The following RNF167 variants were observed in gnomAD, a reference collection of about 807,000 sequenced individuals.
RNF167 encodes the protein E3 ubiquitin-protein ligase RNF167.
In RNF167, 19 loss-of-function variants were observed where a neutral mutation model predicts 34.8. The observed-to-expected ratio is 0.55, with a 90% CI of 0.38 to 0.80. The LOEUF (loss-of-function observed/expected upper bound fraction) is 0.80. Among genes scored for constraint, RNF167 ranks in the 30% least tolerant of loss-of-function variants. The pLI, the probability that RNF167 is intolerant of heterozygous loss-of-function variation, is 0.00. For synonymous variants in RNF167, 200 were observed against 170.4 expected (o/e 1.17, Z -1.35); for missense variants, 464 against 447.0 (o/e 1.04, Z -0.34).
In RNF167 at chr17:4,941,157, G is replaced by C. The variant is rs1353310780; in HGVS notation, c.165G>C (p.Gln55His). Residue 55 changes from glutamine (Q) to histidine (H), a missense_variant and splice_region_variant, in exon 3 of 10, where the codon CAG becomes CAC. By Grantham distance (24) the Gln-to-His change is conservative. Transcript: ENST00000262482. ...CTACCTTGAGCCAGGAGGGCCTCCA[G>C]GTGATTTTCTTTCTTTTCTTTTCCT... ...FGATLSQEGL[Q>H]GFLVEAHPDN... 4 of 1,613,252 alleles carry C rather than the reference G, an allele frequency of 2.5e-6. No homozygotes were observed. Among genetic ancestry groups the C allele is most frequent in the African/African-American group, 2.7e-5 (2 of 74,896 alleles).
At position 4,941,000 on chromosome 17, in the gene RNF167, C is replaced by G; in HGVS notation, c.84+7C>G. On this transcript the variant is annotated splice_region_variant and intron_variant, in intron 2 of 9. Transcript: ENST00000262482. ...CCGGGGGCTCATTCGAGCGGTGAGT[C>G]TGAGGGACGGATGGGGAAAGGGCGC... 6.2e-7 allele frequency: 1 copy of G among 1,613,076 alleles called. No homozygotes were observed. Among genetic ancestry groups the G allele is most frequent in the Non-Finnish European group, 8.5e-7 (1 of 1,179,236 alleles).
In RNF167 at chr17:4,942,917, G is replaced by C. The variant is rs759894525; in HGVS notation, c.446G>C (p.Arg149Pro). 1 of 1,614,092 alleles carries C rather than the reference G, an allele frequency of 6.2e-7. No homozygotes were observed. Among genetic ancestry groups the C allele is most frequent in the Non-Finnish European group, 8.5e-7 (1 of 1,179,998 alleles). The stretch of plus-strand genomic sequence containing the variant: ...GGGGAGAGAAGCTCCGAGTACCTGC[G>C]TGCCCTCTTTGTCTACGAGAAGGGG... ...FIGERSSEYL[R>P]ALFVYEKGAR... is the part of the protein sequence containing the mutation. The change falls in exon 6 of 10, where the codon CGT becomes CCT. Residue 149 changes from arginine to proline, a missense_variant. Physicochemically the swap from Arg to Pro is moderately radical, Grantham distance 103 (BLOSUM62 -2). Coordinates refer to ENST00000262482, the MANE Select transcript of RNF167 (RefSeq NM_015528.3).
In RNF167 at chr17:4,944,879, G is replaced by GA; in HGVS notation, c.919dup (p.Arg307LysfsTer8). On this transcript the variant is annotated frameshift_variant, in exon 10 of 10. Coordinates refer to ENST00000262482, the MANE Select transcript of RNF167 (RefSeq NM_015528.3). LOFTEE classifies it low-confidence loss of function (END_TRUNC). ...GGAGCCAAGGGACCACCCTGCCTCA[G>GA]AAAGGACCCCACTTTTGGGTTCTAG... 1.2e-6 allele frequency: 2 copies of GA among 1,614,024 alleles called. No individual in the cohort carries two copies. Among genetic ancestry groups the GA allele is most frequent in the Non-Finnish European group, 1.7e-6 (2 of 1,179,968 alleles).
chr17:4,944,424 C>A, intron 8 of RNF167, 134 bp from the exon 9 acceptor site: 1 of 1,451,090 alleles, frequency 6.9e-7, no homozygotes, highest in Non-Finnish European at 9.1e-7. Flanking sequence ...TCTGCCCTGA[C>A]CTTATCCTGC....
At chr17:4,940,244 G>A, upstream of RNF167, 1 of 233,238 alleles carries the variant, frequency 4.3e-6, no homozygotes, top group Non-Finnish European at 8.1e-6. Flanking sequence ...AGTACGGCTC[G>A]CCAAGTTGGA....
At chr17:4,942,306 G>A in intron 3 of RNF167, 35 bp from the exon 4 acceptor site, 7 of 1,608,462 alleles carry the variant, frequency 4.4e-6, no homozygotes, top group Non-Finnish European at 5.1e-6. Context: ...ATCTAGAAAG[G>A]AGAAATCTCA....
rs1350785483 is a variant in RNF167 at position 4,942,880 on chromosome 17, T to TC, written c.410dup (p.Val138CysfsTer83). ...AATCCAGCAGCAGATCTGGATCCCG[T>TC]CTGTATTTATTGGGGAGAGAAGCTC... On this transcript the variant is annotated frameshift_variant, in exon 6 of 10. Coordinates refer to ENST00000262482, the MANE Select transcript of RNF167 (RefSeq NM_015528.3). LOFTEE classifies it high-confidence loss of function. 6.2e-7 allele frequency: 1 copy of TC among 1,614,146 alleles called. No homozygotes were observed. Among genetic ancestry groups the TC allele is most frequent in the South Asian group, 1.1e-5 (1 of 91,088 alleles).
chr17:4,940,203 A>C (rs570590546), upstream of RNF167: 16 of 321,616 alleles, frequency 5.0e-5, no homozygotes, highest in African/African-American at 3.5e-4. Flanking sequence ...AATAGAGAAG[A>C]GTTTGTTTGA....
Position 4,944,643 on chromosome 17 carries a change from G to A in RNF167, c.751+5G>A. On this transcript the variant is annotated splice_donor_5th_base_variant and intron_variant, in intron 9 of 9. Transcript: ENST00000262482. ...GGGTACTCCCCTGTGCTCATGGTGA[G>A]GCCCTCACTGCCTGCCCATGCCCCT... 6.2e-7 allele frequency: 1 copy of A among 1,614,066 alleles called. No individual in the cohort carries two copies. The highest frequency in any genetic ancestry group is 1.6e-4 in the Middle Eastern group (1 of 6,062).
chr17:4,943,050 C>T, intron 6 of RNF167, 109 bp downstream of exon 6: 2 of 1,310,522 alleles, frequency 1.5e-6, no homozygotes, highest in Non-Finnish European at 1.1e-6. Context: ...TCCTTCCTTC[C>T]CTGCCTCTTT....
Position 4,945,078 on chromosome 17 carries a change from C to G in RNF167, c.*62C>G. On this transcript the variant is annotated 3_prime_UTR_variant, in exon 10 of 10. Coordinates refer to ENST00000262482, the MANE Select transcript of RNF167 (RefSeq NM_015528.3). ...CACAGACCGTCGTCTTCCCTCCAGT[C>G]TTCTGAGGGATAGGGGACATTCCAT... 3 of 1,360,914 alleles carry G rather than the reference C, an allele frequency of 2.2e-6. No individual in the cohort carries two copies. In the Admixed American group the frequency reaches 7.3e-5, roughly 33 times the overall value. The allele number at this position is 1,360,914 out of a possible 1,614,324, so 84.3% of individuals were successfully genotyped here.
chr17:4,944,194 A>C (rs186313086), intron 8 of RNF167, among the ~76,000 whole-genome samples: 1 of 152,290 alleles, frequency 6.6e-6, no homozygotes, highest in Admixed American at 6.5e-5. Context: ...AAATGGGAGG[A>C]ATGGGGAGGA....
In RNF167 at chr17:4,943,505, A is replaced by T. The variant is rs199885238; in HGVS notation, c.656A>T (p.His219Leu). ...GAGCAACTGAAACAGATTCCTACAC[A>T]TGACTATCAGAAGGGTGAGGGGGTT... ...TKEQLKQIPT[H>L]DYQKGDQYDV... Residue 219 changes from histidine to leucine, a missense_variant, in exon 8 of 10, where the codon CAT (histidine) becomes CTT (leucine). Coordinates refer to ENST00000262482, the MANE Select transcript of RNF167 (RefSeq NM_015528.3). The T allele has an allele frequency of 1.7e-4, 268 of 1,613,156 alleles. No homozygotes were observed. Among genetic ancestry groups the T allele is most frequent in the Non-Finnish European group, 2.2e-4 (259 of 1,179,424 alleles).
At position 4,941,081 on chromosome 17, in the gene RNF167, C is replaced by G. The variant is rs1370655744; in HGVS notation, c.89C>G (p.Ser30Trp). The change falls in exon 3 of 10, where the codon TCG (serine) becomes TGG (tryptophan). Residue 30 changes from serine to tryptophan, a missense_variant. Coordinates refer to ENST00000262482, the MANE Select transcript of RNF167 (RefSeq NM_015528.3). ...APTRGLIRAT[S>W]DHNASMDFAD... ...CATCGCCTTTTTTGTCCGCAGACCTCGGACCACAATGCCAGCATGGACTTT... is the reference window on the plus strand; with the variant it reads ...CATCGCCTTTTTTGTCCGCAGACCTGGGACCACAATGCCAGCATGGACTTT... 6.2e-7 allele frequency: 1 copy of G among 1,614,084 alleles called. No individual in the cohort carries two copies. The highest frequency in any genetic ancestry group is 8.5e-7 in the Non-Finnish European group (1 of 1,180,032).
Position 4,941,224 on chromosome 17 carries a change from T to A in RNF167, c.165+67T>A, listed in dbSNP as rs981959765. 11 of 1,437,448 alleles carry A rather than the reference T, an allele frequency of 7.7e-6. No individual in the cohort carries two copies. In the African/African-American group the frequency reaches 1.6e-4, roughly 20 times the overall value. 89.0% of individuals were successfully genotyped at this position (1,437,448 alleles called of 1,614,324 possible). A position where few individuals can be genotyped will look rare whatever the true frequency, so the allele number is the denominator to read the frequency against. On this transcript the variant is annotated intron_variant, in intron 3 of 9. Coordinates refer to ENST00000262482, the MANE Select transcript of RNF167 (RefSeq NM_015528.3). ...TCCTTTTCTGTCTTTTTTCTTTTTT[T>A]AGTATTTCGCAAGATCCTCCATCCT...
At chr17:4,940,257 G>A (rs1970646684), upstream of RNF167, 1 of 219,150 alleles carries the variant, frequency 4.6e-6, no homozygotes, top group Non-Finnish European at 8.8e-6. Context: ...AAGTTGGAGC[G>A]CTCTCGCGAT....
intron 8 of RNF167, 200 bp from the exon 9 acceptor site, chr17:4,944,358 C>G (rs1971160420): frequency 6.2e-6 from 8 of 1,283,520 alleles, no homozygotes; most frequent in Non-Finnish European, 7.9e-6. Flanking sequence ...AACCCACTTC[C>G]CTTCTTACCT....
Position 4,941,139 on chromosome 17 carries a change from G to A in RNF167, c.147G>A (p.Leu49=), listed in dbSNP as rs1970755031. Residue 49 remains leucine, a synonymous_variant, in exon 3 of 10, where the codon TTG becomes TTA. Coordinates refer to ENST00000262482, the MANE Select transcript of RNF167 (RefSeq NM_015528.3). ...TTCCAGCTCTGTTTGGGGCTACCTTGAGCCAGGAGGGCCTCCAGGTGATTT... is the reference window on the plus strand; with the variant it reads ...TTCCAGCTCTGTTTGGGGCTACCTTAAGCCAGGAGGGCCTCCAGGTGATTT... ...ADLPALFGAT[L]SQEGLQGFLV... 2 of 1,614,034 alleles carry A rather than the reference G, an allele frequency of 1.2e-6. No individual in the cohort carries two copies. The highest frequency in any genetic ancestry group is 3.3e-5 in the Admixed American group (2 of 60,008).
rs1350494712 is a variant in RNF167 at position 4,941,005 on chromosome 17, G to A, written c.84+12G>A. 6.2e-7 allele frequency: 1 copy of A among 1,613,270 alleles called. No homozygotes were observed. Among genetic ancestry groups the A allele is most frequent in the East Asian group, 2.2e-5 (1 of 44,862 alleles). On this transcript the variant is annotated intron_variant, in intron 2 of 9. Coordinates refer to ENST00000262482, the MANE Select transcript of RNF167 (RefSeq NM_015528.3). ...GGCTCATTCGAGCGGTGAGTCTGAGGGACGGATGGGGAAAGGGCGCTGAAA... is the reference window on the plus strand; with the variant it reads ...GGCTCATTCGAGCGGTGAGTCTGAGAGACGGATGGGGAAAGGGCGCTGAAA...
Sources: gnomAD v4.1 joint callset for allele counts (sites outside exome capture counted in the v4.1 genomes callset) on GRCh38, gnomAD v4.1.1 for gene constraint, MANE v1.5 for transcripts, NCBI Gene and HGNC (gene_info 2026-07-23, HGNC 2026-07-21) for gene names.